P2RX5: variants seen among roughly 807,000 people sequenced by gnomAD.
The protein encoded by P2RX5 is P2X purinoceptor 5.
P2RX5 carries 46 observed loss-of-function variants against 54.1 expected under a neutral mutation model. The ratio of observed to expected loss-of-function variants is 0.85; its 90% CI spans 0.67 to 1.09. The LOEUF (loss-of-function observed/expected upper bound fraction) is 1.09. Ranked by LOEUF, P2RX5 falls within the 50% of genes least tolerant of loss-of-function variation. The pLI is 0.00. For missense variants in P2RX5, 566 were observed against 549.8 expected (o/e 1.03, Z -0.29); for synonymous variants, 226 against 226.4 (o/e 1.00, Z 0.02).
In P2RX5 at chr17:3,691,951, C is replaced by T. The variant is rs2050629377; in HGVS notation, c.138-157G>A. 9 of 735,108 alleles carry T rather than the reference C, an allele frequency of 1.2e-5. No homozygotes were observed. In the South Asian group the frequency reaches 1.3e-4, roughly 10 times the overall value. The allele number at this position is 735,108 out of a possible 1,614,324, so 45.5% of individuals were successfully genotyped here. On this transcript the variant is annotated intron_variant, in intron 1 of 11. Coordinates refer to ENST00000225328, the MANE Select transcript of P2RX5 (RefSeq NM_002561.4). Reference sequence around the variant, plus strand: ...CCCACCAGCTCCTGGGCAGGGGCCACAGCTCCCACTGCTGACTGAAACCCA... The same window carrying T: ...CCCACCAGCTCCTGGGCAGGGGCCATAGCTCCCACTGCTGACTGAAACCCA...
In P2RX5 at chr17:3,679,597, G is replaced by C. The variant is rs1289174874; in HGVS notation, c.1252C>G (p.Pro418Ala). 1 of 1,606,954 alleles carries C rather than the reference G, an allele frequency of 6.2e-7. No individual in the cohort carries two copies. The highest frequency in any genetic ancestry group is 2.2e-5 in the East Asian group (1 of 44,886). The change falls in exon 11 of 12, where the codon CCC becomes GCC. Residue 418 changes from proline to alanine, a missense_variant. Transcript: ENST00000225328. ...NGSVCPQLLEPHRST is the reference protein window; with the variant it reads ...NGSVCPQLLEAHRST ...GCCTAGCAGTGGCCTCACCTGTGGG[G>C]CTCCAGGAGCTGTGGGCACACAGAT...
At chr17:3,716,899 A>AC in the P2RX5 span, 1 of 675,368 alleles carries the variant, frequency 1.5e-6, no homozygotes, top group Non-Finnish European at 2.6e-6. Flanking sequence ...CTTGGCAACA[A>AC]CCCGTGTATT....
At chr17:3,712,360 C>T in the P2RX5 span, among the ~76,000 whole-genome samples, 3 of 152,252 alleles carry the variant, frequency 2.0e-5, no homozygotes, top group East Asian at 1.9e-4. Flanking sequence ...TGGCAAGGTA[C>T]GGGGCTCCAT....
the P2RX5 span, among the ~76,000 whole-genome samples, chr17:3,718,793 A>G: frequency 6.6e-6 from 1 of 151,826 alleles, no homozygotes; most frequent in Admixed American, 6.6e-5. Context: ...AGGAACAATT[A>G]TTTTTCATTT....
intron 9 of P2RX5, among the ~76,000 whole-genome samples, chr17:3,683,798 A>G (rs534145254): frequency 1.3e-5 from 2 of 152,172 alleles, no homozygotes; most frequent in South Asian, 4.2e-4. Flanking sequence ...AACAGGCGCA[A>G]ACATCCAGGA....
rs893790444 is a variant in P2RX5, at chr17:3,676,464, T to C, written c.1260-2587A>G. 11 of 984,048 alleles carry C rather than the reference T, an allele frequency of 1.1e-5. No homozygotes were observed. The African/African-American group carries it at 1.9e-4, about 17-fold the overall frequency. The allele number at this position is 984,048 out of a possible 1,614,324, so 61.0% of individuals were successfully genotyped here. ...GACTATCCTTTGCACCTTCTAAACTTTGAATCATGTAAGTATTACCCAGTC... is the reference window on the plus strand; with the variant it reads ...GACTATCCTTTGCACCTTCTAAACTCTGAATCATGTAAGTATTACCCAGTC... On this transcript the variant is annotated intron_variant, in intron 11 of 11. Coordinates refer to ENST00000225328, the MANE Select transcript of P2RX5 (RefSeq NM_002561.4).
chr17:3,692,312 G>A (rs2050641852), intron 1 of P2RX5, among the ~76,000 whole-genome samples: 1 of 151,898 alleles, frequency 6.6e-6, no homozygotes, highest in Non-Finnish European at 1.5e-5. Flanking sequence ...GTGAGATTCT[G>A]TCTCAAAAAA....
chr17:3,694,842 A>T (rs1328220591), intron 1 of P2RX5, among the ~76,000 whole-genome samples: 1 of 152,204 alleles, frequency 6.6e-6, no homozygotes, highest in Non-Finnish European at 1.5e-5. Context: ...CCCAATAATT[A>T]CACTGTGGGA....
At chr17:3,684,892 C>T (rs2050395141) in intron 9 of P2RX5, among the ~76,000 whole-genome samples, 1 of 118,544 alleles carries the variant, frequency 8.4e-6, no homozygotes. Context: ...GTTGTCCAGG[C>T]TGGGGTGCAG....
chr17:3,715,588 T>A, the P2RX5 span, among the ~76,000 whole-genome samples: 1 of 152,130 alleles, frequency 6.6e-6, no homozygotes, highest in Non-Finnish European at 1.5e-5. Flanking sequence ...GTCAGGTGCT[T>A]ATGCCTGTAA....
the P2RX5 span, among the ~76,000 whole-genome samples, chr17:3,707,308 A>G: frequency 6.6e-6 from 1 of 152,084 alleles, no homozygotes; most frequent in Non-Finnish European, 1.5e-5. Context: ...GGGTTGCTGG[A>G]CCACCAAAAG....
the P2RX5 span, among the ~76,000 whole-genome samples, chr17:3,709,001 T>G: frequency 6.6e-6 from 1 of 152,168 alleles, no homozygotes; most frequent in African/African-American, 2.4e-5. Flanking sequence ...ACCCAGGCTG[T>G]AGTGCAATGG....
At chr17:3,716,683 C>A in the P2RX5 span, 2 of 1,543,904 alleles carry the variant, frequency 1.3e-6, no homozygotes, top group Admixed American at 1.7e-5. Flanking sequence ...ATGAGTAGAA[C>A]TGACCTTGAA....
upstream of P2RX5, among the ~76,000 whole-genome samples, chr17:3,696,941 G>T (rs147221622): frequency 0.015 from 2,230 of 152,172 alleles, 30 homozygotes; most frequent in African/African-American, 0.03. Context: ...TGGGGGGGAA[G>T]CCGTGGCTCC....
chr17:3,688,801 G>C (rs573512385), intron 7 of P2RX5, 42 bp from the exon 8 acceptor site: 2 of 1,611,112 alleles, frequency 1.2e-6, no homozygotes, highest in African/African-American at 2.7e-5. Context: ...ACAGCTTTCC[G>C]GAGACGGACA....
chr17:3,675,558 C>CTT (rs879893835), intron 11 of P2RX5: 96 of 800,400 alleles, frequency 1.2e-4, no homozygotes, highest in Middle Eastern at 6.6e-4. Context: ...TCTTCACTTT[C>CTT]TTTTTTTTTT....
chr17:3,723,342 T>C, the P2RX5 span: 1 of 1,613,998 alleles, frequency 6.2e-7, no homozygotes, highest in Non-Finnish European at 8.5e-7. Flanking sequence ...TTTCTTTATC[T>C]GAAGCGATGA....
chr17:3,678,270 T>C (rs562540602), intron 11 of P2RX5: 2 of 183,594 alleles, frequency 1.1e-5, no homozygotes, highest in South Asian at 3.7e-4. Flanking sequence ...GAGCACAGCC[T>C]GCCAGGGTTC....
At chr17:3,690,725 T>C (rs765810589) in intron 3 of P2RX5, 45 bp from the exon 4 acceptor site, 38 of 1,578,288 alleles carry the variant, frequency 2.4e-5, no homozygotes, top group Non-Finnish European at 3.2e-5. Context: ...TTCCCCCAGC[T>C]CAGAGCCGGG....
Sources: allele counts gnomAD v4.1 joint callset (sites outside exome capture counted in the v4.1 genomes callset), GRCh38; gene constraint gnomAD v4.1.1; transcripts MANE v1.5; gene names NCBI Gene and HGNC (gene_info 2026-07-23, HGNC 2026-07-21).